The following ANK2 variants were observed in gnomAD, a reference collection of about 807,000 sequenced individuals.
The protein encoded by ANK2 is ankyrin-2.
A neutral mutation model predicts 360.5 loss-of-function variants in ANK2; 83 were observed. The observed-to-expected ratio is 0.23, with a 90% CI of 0.19 to 0.28. The LOEUF is 0.28. Ranked by LOEUF, ANK2 falls within the 10% of genes least tolerant of loss-of-function variation. The pLI is 1.00. For synonymous variants in ANK2, 1,740 were observed against 1,759.5 expected, an observed-to-expected ratio of 0.99 and a Z score of 0.28; for missense variants, 4,201 against 4,795.7, an observed-to-expected ratio of 0.88 and a Z score of 3.66.
chr4:113,381,783 A>G lies in ANK2; in HGVS notation c.*312A>G. 1.2e-6 allele frequency: 1 copy of G among 840,968 alleles called. No homozygotes were observed. Among genetic ancestry groups the G allele is most frequent in the South Asian group, 1.7e-5 (1 of 59,312 alleles). 52.1% of individuals were successfully genotyped at this position (840,968 alleles called of 1,614,324 possible). On this transcript the variant is annotated 3_prime_UTR_variant, in exon 46 of 46. Coordinates refer to ENST00000357077, the MANE Select transcript of ANK2 (RefSeq NM_001148.6). ...TAGCAAATATACGGCATTTTGCTTT[A>G]GTTTTCCCCCATCCTCTTTAACTAT...
chr4:112,867,420 C>T (rs2071043462), intron 1 of ANK2, among the ~76,000 whole-genome samples: 1 of 151,856 alleles, frequency 6.6e-6, no homozygotes, highest in South Asian at 2.1e-4. Context: ...ATATAATACA[C>T]ATATAATAAA....
chr4:112,715,916 C>T, the ANK2 span, among the ~76,000 whole-genome samples: 4 of 152,056 alleles, frequency 2.6e-5, no homozygotes, highest in Non-Finnish European at 5.9e-5. Context: ...AAGCGAGACT[C>T]CCATCTCAAA....
intron 1 of ANK2, among the ~76,000 whole-genome samples, chr4:112,859,720 C>T (rs2067389183): frequency 6.6e-6 from 1 of 152,224 alleles, no homozygotes; most frequent in Non-Finnish European, 1.5e-5. Flanking sequence ...TAGCTGTGAC[C>T]AGCTTACCCA....
At chr4:113,336,231 T>G in intron 30 of ANK2, 174 bp downstream of exon 30, 1 of 699,970 alleles carries the variant, frequency 1.4e-6, no homozygotes, top group South Asian at 2.3e-5. Context: ...TATTTAAAAA[T>G]TCAACTTATA....
Position 113,354,556 on chromosome 4 carries a change from A to C in ANK2, c.5938A>C (p.Lys1980Gln), listed in dbSNP as rs778592551. Residue 1980 changes from lysine (K) to glutamine (Q), a missense_variant, in exon 38 of 46, where the codon AAA (lysine) becomes CAA (glutamine). Around this residue, in one of 4 missense-constraint regions of ANK2, gnomAD observed 2,642 missense variants for 2,714.5 expected, o/e 0.97. Transcript: ENST00000357077. Reference sequence around the variant, plus strand: ...GCAACCACCTGTATCCCCCACTTCAAAAACAGAGAGGATTGAGGAAACCAT... The same window carrying C: ...GCAACCACCTGTATCCCCCACTTCACAAACAGAGAGGATTGAGGAAACCAT... ...EKQPPVSPTS[K>Q]TERIEETMSV... The C allele has an allele frequency of 1.9e-6, 3 of 1,614,122 alleles. No individual in the cohort carries two copies. The highest frequency in any genetic ancestry group is 1.3e-5 in the African/African-American group (1 of 75,036).
At chr4:113,369,444 C>T (rs756503808) in intron 42 of ANK2, 70 bp from the exon 43 acceptor site, 86 of 1,552,822 alleles carry the variant, frequency 5.5e-5, no homozygotes, top group Non-Finnish European at 6.6e-5. Flanking sequence ...TCTTGCCTTT[C>T]GATTTCCTTG....
chr4:113,312,781 G>A (rs533292736), intron 24 of ANK2, among the ~76,000 whole-genome samples: 20 of 152,214 alleles, frequency 1.3e-4, no homozygotes, highest in Admixed American at 6.5e-4. Context: ...TGTGGAGGAC[G>A]GGAATTATAT....
chr4:112,978,694 CTA>C (rs756288472), intron 2 of ANK2, among the ~76,000 whole-genome samples: 1 of 152,176 alleles, frequency 6.6e-6, no homozygotes, highest in Non-Finnish European at 1.5e-5. Flanking sequence ...CACTGAATCT[CTA>C]TGCCACATTT....
intron 1 of ANK2, among the ~76,000 whole-genome samples, chr4:112,882,562 A>G (rs929924619): frequency 6.6e-5 from 10 of 152,214 alleles, no homozygotes; most frequent in African/African-American, 2.4e-4. Flanking sequence ...AATGATTCAG[A>G]AAAATAAGAA....
upstream of ANK2, among the ~76,000 whole-genome samples, chr4:113,045,225 T>C (rs2063983553): frequency 6.6e-6 from 1 of 152,176 alleles, no homozygotes; most frequent in South Asian, 2.1e-4. Context: ...ATATGAAAAT[T>C]AGAATAATCA....
Position 113,113,167 on chromosome 4 carries a change from G to C in ANK2, c.85-61249G>C, listed in dbSNP as rs111343502. On this transcript the variant is annotated intron_variant, in intron 1 of 45. Coordinates refer to ENST00000357077, the MANE Select transcript of ANK2 (RefSeq NM_001148.6). ...ACTCTTGGCACATAGTTCAAACATA[G>C]TTCAAGTGAGCACATTCTTTTTTTT... 8.8e-3 allele frequency among the ~76,000 whole-genome samples: 1,287 copies of C among 145,652 alleles called. 23 individuals are homozygous for C. Among genetic ancestry groups the C allele is most frequent in the African/African-American group, 0.032 (1,229 of 38,790 alleles).
At chr4:113,105,831 G>A (rs544639100) in intron 1 of ANK2, among the ~76,000 whole-genome samples, 2 of 152,164 alleles carry the variant, frequency 1.3e-5, no homozygotes, top group Admixed American at 1.3e-4. Context: ...AACTTAATGT[G>A]TACTAGTGTA....
intron 1 of ANK2, among the ~76,000 whole-genome samples, chr4:113,158,867 A>T (rs2097401384): frequency 1.3e-5 from 2 of 152,214 alleles, no homozygotes; most frequent in Non-Finnish European, 2.9e-5. Context: ...TGCCAAAAAA[A>T]GTTCTGTTAT....
intron 2 of ANK2, among the ~76,000 whole-genome samples, chr4:112,989,080 A>G (rs1363249697): frequency 1.3e-5 from 2 of 152,222 alleles, no homozygotes; most frequent in African/African-American, 4.8e-5. Context: ...GACAGAGGTA[A>G]TTCTACACTT....
chr4:112,848,992 A>G (rs1226739400), intron 1 of ANK2, among the ~76,000 whole-genome samples: 1 of 152,230 alleles, frequency 6.6e-6, no homozygotes, highest in Non-Finnish European at 1.5e-5. Context: ...GCAAAATTGC[A>G]TTTATCCTGG....
Position 113,336,603 on chromosome 4 carries a change from T to G in ANK2, c.3618T>G (p.Val1206=), listed in dbSNP as rs1273478953. The G allele has an allele frequency of 1.2e-6, 2 of 1,614,100 alleles. No homozygotes were observed. Among genetic ancestry groups the G allele is most frequent in the Non-Finnish European group, 8.5e-7 (1 of 1,180,008 alleles). Residue 1206 remains valine (V), a synonymous_variant, in exon 31 of 46, where the codon GTT becomes GTG. Transcript: ENST00000357077. ...CTCAACCTATGCACAGTGAGCTGGT[T>G]AAGAAGATCCTAGGCAACAAAGCTA... ...LQAQPMHSEL[V]KKILGNKATF...
intron 4 of ANK2, among the ~76,000 whole-genome samples, chr4:113,216,194 G>A (rs190469558): frequency 6.6e-6 from 1 of 152,228 alleles, no homozygotes; most frequent in Admixed American, 6.5e-5. Flanking sequence ...GACTAAAACA[G>A]TATAAATCTT....
At chr4:112,783,836 A>G in the ANK2 span, among the ~76,000 whole-genome samples, 34 of 151,966 alleles carry the variant, frequency 2.2e-4, no homozygotes, top group Middle Eastern at 0.014. Context: ...TTTTTAGTAG[A>G]GACGGGGTTT....
At chr4:112,781,289 G>A in the ANK2 span, among the ~76,000 whole-genome samples, 13 of 152,154 alleles carry the variant, frequency 8.5e-5, no homozygotes, top group East Asian at 1.2e-3. Context: ...TAGTAGAGAC[G>A]GGGTTTCACC....
Sources: allele counts gnomAD v4.1 joint callset (sites outside exome capture counted in the v4.1 genomes callset), GRCh38; gene constraint gnomAD v4.1.1; regional missense constraint gnomAD v4.1.1; transcripts MANE v1.5; gene names NCBI Gene and HGNC (gene_info 2026-07-23, HGNC 2026-07-21).